The following CACNA1C variants were observed in gnomAD, a reference collection of about 807,000 sequenced individuals.
CACNA1C encodes calcium voltage-gated channel subunit alpha1 C.
Under a neutral mutation model 229.0 loss-of-function variants are expected in CACNA1C, and 30 were observed. The observed-to-expected ratio is 0.13, with a 90% CI of 0.10 to 0.18. The LOEUF (loss-of-function observed/expected upper bound fraction) is 0.18. Ranked by LOEUF, CACNA1C falls within the 10% of genes least tolerant of loss-of-function variation. CACNA1C has a pLI of 1.00. For missense variants in CACNA1C, 1,658 were observed against 2,845.0 expected (o/e 0.58, Z 9.49); for synonymous variants, 1,114 against 1,132.5 (o/e 0.98, Z 0.33).
At chr12:2,524,438 A>G (rs1048148600) in intron 9 of CACNA1C, among the ~76,000 whole-genome samples, 1 of 152,206 alleles carries the variant, frequency 6.6e-6, no homozygotes, top group Admixed American at 6.5e-5. Flanking sequence ...AGTTTGGAAG[A>G]GGGTGGGAGG....
chr12:2,587,451 GGTCTTTTCA>G (rs1284521044), intron 18 of CACNA1C, among the ~76,000 whole-genome samples: 1 of 152,200 alleles, frequency 6.6e-6, no homozygotes, highest in Non-Finnish European at 1.5e-5. Context: ...CTAGCATGAG[GGTCTTTTCA>G]CACAGGCACC....
At chr12:2,204,994 T>C (rs552535350) in intron 3 of CACNA1C, among the ~76,000 whole-genome samples, 4 of 151,862 alleles carry the variant, frequency 2.6e-5, no homozygotes, top group Non-Finnish European at 4.4e-5. Context: ...TCTTAGATAC[T>C]CATTCCCTCA....
chr12:2,402,784 G>A (rs891422775), intron 3 of CACNA1C, among the ~76,000 whole-genome samples: 7 of 152,154 alleles, frequency 4.6e-5, no homozygotes, highest in Non-Finnish European at 8.8e-5. Context: ...CTGGTCTCAC[G>A]GTCAACAGGA....
Position 2,053,646 on chromosome 12 carries a change from C to T in CACNA1C, c.49+35C>T, listed in dbSNP as rs1263425499. On this transcript the variant is annotated intron_variant, in intron 1 of 46. Coordinates refer to ENST00000399655, the MANE Select transcript of CACNA1C (RefSeq NM_000719.7). This position sits in a 1 kb window ranked among gnomAD's most constrained non-coding sequence, Gnocchi z 5.8. Reference sequence around the variant, plus strand: ...GACCCCGCCGCCTCGCCGGGGCTCCCTGCCTTTTCCACCGGGTTCCTGCCC... The same window carrying T: ...GACCCCGCCGCCTCGCCGGGGCTCCTTGCCTTTTCCACCGGGTTCCTGCCC... 1.9e-6 allele frequency: 3 copies of T among 1,546,384 alleles called. No homozygotes were observed. The highest frequency in any genetic ancestry group is 2.5e-5 in the East Asian group (1 of 39,834).
chr12:2,146,577 C>T (rs576699308), intron 3 of CACNA1C, among the ~76,000 whole-genome samples: 12 of 151,068 alleles, frequency 7.9e-5, no homozygotes, highest in South Asian at 4.2e-4. Context: ...TGTGGGGAGG[C>T]GGTGGGCACA....
At chr12:2,613,189 G>A (rs528650225) in intron 29 of CACNA1C, 1 of 152,180 alleles carries the variant, frequency 6.6e-6, no homozygotes, top group Non-Finnish European at 1.5e-5. Flanking sequence ...CTCACACTTT[G>A]GATTCCATAT....
At chr12:2,217,584 C>G (rs893809632) in intron 3 of CACNA1C, 1 of 152,186 alleles carries the variant, frequency 6.6e-6, no homozygotes, top group Non-Finnish European at 1.5e-5. Flanking sequence ...CATGCAAATA[C>G]ATACACACAT....
intron 3 of CACNA1C, among the ~76,000 whole-genome samples, chr12:2,230,672 A>C (rs1186379135): frequency 6.6e-6 from 1 of 152,180 alleles, no homozygotes; most frequent in African/African-American, 2.4e-5. Context: ...AGAGGCTAGA[A>C]TCTTCCATCT....
intron 7 of CACNA1C, among the ~76,000 whole-genome samples, chr12:2,498,171 A>T (rs2099751175): frequency 6.6e-6 from 1 of 152,244 alleles, no homozygotes; most frequent in African/African-American, 2.4e-5. Flanking sequence ...TGAAGGCTTC[A>T]TAAAAGTTAG....
chr12:2,195,983 T>C (rs1233906741), intron 3 of CACNA1C, among the ~76,000 whole-genome samples: 1 of 152,174 alleles, frequency 6.6e-6, no homozygotes, highest in Non-Finnish European at 1.5e-5. Context: ...GATCAGATGG[T>C]CCCCAGCCTG....
At chr12:2,429,729 T>C (rs2099064915) in intron 3 of CACNA1C, among the ~76,000 whole-genome samples, 1 of 152,178 alleles carries the variant, frequency 6.6e-6, no homozygotes, top group South Asian at 2.1e-4. Context: ...AGCTATTTGA[T>C]AGATACCAGT....
chr12:2,493,397 T>C lies in CACNA1C; in HGVS notation c.1113+11T>C. 1 of 1,600,922 alleles carries C rather than the reference T, an allele frequency of 6.2e-7. No individual in the cohort carries two copies. Among genetic ancestry groups the C allele is most frequent in the African/African-American group, 1.3e-5 (1 of 74,794 alleles). ...GACGTGCTGTACTGGGTACGTAGCA[T>C]GAGTGGGCAGTCAGAGGGTGGGGGA... is the stretch of plus-strand genomic sequence containing the variant. On this transcript the variant is annotated intron_variant, in intron 7 of 46. Transcript: ENST00000399655. This position sits in a 1 kb window ranked among gnomAD's most constrained non-coding sequence, Gnocchi z 4.6.
At chr12:2,451,878 G>A (rs2099381226) in intron 4 of CACNA1C, among the ~76,000 whole-genome samples, 1 of 152,198 alleles carries the variant, frequency 6.6e-6, no homozygotes. Context: ...CTTGCACTGG[G>A]ACATATTTGG....
intron 1 of CACNA1C, among the ~76,000 whole-genome samples, chr12:2,012,199 A>G (rs2044562486): frequency 6.6e-6 from 1 of 152,170 alleles, no homozygotes; most frequent in African/African-American, 2.4e-5. Flanking sequence ...AATAGTGGGG[A>G]CTAGGGGGTA....
intron 34 of CACNA1C, among the ~76,000 whole-genome samples, chr12:2,658,845 C>CAA (rs66736678): frequency 6.7e-6 from 1 of 149,568 alleles, no homozygotes; most frequent in Non-Finnish European, 1.5e-5. Flanking sequence ...CAGCTTTTAA[C>CAA]AAAAAGCTAA....
At chr12:2,652,795 G>C (rs1229261540) in intron 32 of CACNA1C, among the ~76,000 whole-genome samples, 1 of 152,232 alleles carries the variant, frequency 6.6e-6, no homozygotes, top group African/African-American at 2.4e-5. Context: ...CAGGCTCTGG[G>C]GATTCGGAAT....
intron 34 of CACNA1C, among the ~76,000 whole-genome samples, chr12:2,658,340 A>G (rs1291164521): frequency 3.9e-5 from 6 of 152,218 alleles, no homozygotes; most frequent in Non-Finnish European, 4.4e-5. Context: ...AGCTGAAACT[A>G]CAATCTACAG....
At position 2,477,665 on chromosome 12, in the gene CACNA1C, C is replaced by A. The variant is rs79499768; in HGVS notation, c.758-8439C>A. ...TAGGGTGAGGTCAGGTTCTTCTGTC[C>A]CCAGATCCTTCCCTGCAGGTCTGGG... is the stretch of plus-strand genomic sequence containing the variant. On this transcript the variant is annotated intron_variant, in intron 5 of 46. Transcript: ENST00000399655. 4.0e-3 allele frequency among the ~76,000 whole-genome samples: 607 copies of A among 152,208 alleles called. 3 individuals are homozygous for A. Among genetic ancestry groups the A allele is most frequent in the Non-Finnish European group, 7.2e-3 (490 of 67,994 alleles).
Position 2,102,589 on chromosome 12 carries a change from A to AT in CACNA1C, c.50-12627dup, listed in dbSNP as rs911049787. Among the ~76,000 whole-genome samples the AT allele has an allele frequency of 1.3e-3, 196 of 151,900 alleles. 2 individuals carry two copies. Among genetic ancestry groups the AT allele is most frequent in the Non-Finnish European group, 2.4e-4 (16 of 67,942 alleles). ...TCCTCAGGCAGGCAGATTATTTTTT[A>AT]TTTTTTTTAATTACACTTAAATTCT... On this transcript the variant is annotated intron_variant, in intron 1 of 46. Transcript: ENST00000399655.
Sources: allele counts gnomAD v4.1 joint callset (sites outside exome capture counted in the v4.1 genomes callset), GRCh38; gene constraint gnomAD v4.1.1; non-coding constraint Gnocchi (gnomAD v3.1); transcripts MANE v1.5; gene names NCBI Gene and HGNC (gene_info 2026-07-23, HGNC 2026-07-21).